The following GLT1D1 variants were observed in gnomAD, a reference collection of about 807,000 sequenced individuals.
The protein encoded by GLT1D1 is glycosyltransferase 1 domain containing 1.
GLT1D1 carries 21 observed loss-of-function variants against 28.7 expected under a neutral mutation model. The observed-to-expected ratio is 0.73, with a 90% confidence interval of 0.52 to 1.05. The LOEUF is 1.05. GLT1D1 is among the 50% of genes least tolerant of loss of function. The pLI is 0.00. For synonymous variants in GLT1D1, 147 were observed against 124.8 expected (o/e 1.18, Z -1.19); for missense variants, 343 against 330.6 (o/e 1.04, Z -0.29).
intron 3 of GLT1D1, among the ~76,000 whole-genome samples, chr12:128,890,739 A>G (rs540411349): frequency 5.0e-4 from 74 of 148,890 alleles, no homozygotes; most frequent in Non-Finnish European, 9.9e-4. Flanking sequence ...TGGCTCACAC[A>G]TGTAATCCCA....
At chr12:128,980,484 G>A (rs182700293) in intron 7 of GLT1D1, among the ~76,000 whole-genome samples, 7 of 152,336 alleles carry the variant, frequency 4.6e-5, no homozygotes, top group South Asian at 2.1e-4. Context: ...GCAGTTTTCC[G>A]AGTCTGCAGT....
intron 4 of GLT1D1, among the ~76,000 whole-genome samples, chr12:128,924,997 A>T (rs1340650747): frequency 6.6e-6 from 1 of 151,764 alleles, no homozygotes; most frequent in Non-Finnish European, 1.5e-5. Flanking sequence ...AACCTGGGAA[A>T]CAATGCTGCT....
At chr12:128,901,680 C>A (rs185032538) in intron 4 of GLT1D1, among the ~76,000 whole-genome samples, 1 of 149,218 alleles carries the variant, frequency 6.7e-6, no homozygotes, top group Admixed American at 6.6e-5. Flanking sequence ...TGTGATCCAC[C>A]CACCTTGGCC....
chr12:128,969,871 T>C (rs1489459245), intron 7 of GLT1D1, among the ~76,000 whole-genome samples: 3 of 152,248 alleles, frequency 2.0e-5, no homozygotes, highest in South Asian at 2.1e-4. Flanking sequence ...CTGCAAAGCC[T>C]GCTGGGCACC....
chr12:128,861,682 G>A (rs1956377439), intron 1 of GLT1D1, among the ~76,000 whole-genome samples: 1 of 152,194 alleles, frequency 6.6e-6, no homozygotes, highest in African/African-American at 2.4e-5. Context: ...GTGTTTGTCG[G>A]AATGGGAAGC....
intron 6 of GLT1D1, 85 bp downstream of exon 10, chr12:128,947,543 C>A: frequency 1.4e-6 from 2 of 1,477,656 alleles, no homozygotes; most frequent in South Asian, 2.3e-5. Flanking sequence ...ACGTCTTTGT[C>A]AATAACATTC....
intron 7 of GLT1D1, among the ~76,000 whole-genome samples, chr12:128,972,258 C>A (rs1228685546): frequency 6.6e-6 from 1 of 152,246 alleles, no homozygotes; most frequent in Non-Finnish European, 1.5e-5. Context: ...GGTCTGTGAC[C>A]ACCGCCCATG....
At chr12:128,898,516 A>G (rs1869900234) in intron 3 of GLT1D1, among the ~76,000 whole-genome samples, 1 of 152,110 alleles carries the variant, frequency 6.6e-6, no homozygotes. Flanking sequence ...TTGTCACCCA[A>G]TTATATGTAT....
intron 7 of GLT1D1, among the ~76,000 whole-genome samples, chr12:128,958,586 C>CAAAAAA (rs1164628353): frequency 6.7e-5 from 5 of 74,436 alleles, no homozygotes; most frequent in Non-Finnish European, 9.8e-5. Flanking sequence ...ATTAAAAAGA[C>CAAAAAA]AAAAAAAAAA....
intron 6 of GLT1D1, among the ~76,000 whole-genome samples, chr12:128,952,747 T>C (rs1243800318): frequency 1.4e-5 from 2 of 145,310 alleles, no homozygotes; most frequent in Non-Finnish European, 3.0e-5. Flanking sequence ...AGTTCTGGGA[T>C]TACAGGTGTG....
intron 1 of GLT1D1, among the ~76,000 whole-genome samples, chr12:128,868,642 T>G (rs1297569600): frequency 2.6e-5 from 4 of 152,096 alleles, no homozygotes; most frequent in African/African-American, 9.7e-5. Context: ...GGTAGATTGG[T>G]GACCTTGTAG....
At chr12:128,893,711 C>G (rs569360986) in intron 3 of GLT1D1, among the ~76,000 whole-genome samples, 1 of 152,034 alleles carries the variant, frequency 6.6e-6, no homozygotes, top group African/African-American at 2.4e-5. Context: ...TCAGCCTCGT[C>G]AGTAGCTGGG....
chr12:128,863,068 G>A (rs1175768479), intron 1 of GLT1D1, among the ~76,000 whole-genome samples: 1 of 152,178 alleles, frequency 6.6e-6, no homozygotes, highest in Non-Finnish European at 1.5e-5. Flanking sequence ...AGGAGACACG[G>A]CACACACCTG....
chr12:128,915,314 C>A (rs528113023), intron 4 of GLT1D1, among the ~76,000 whole-genome samples: 1 of 151,802 alleles, frequency 6.6e-6, no homozygotes, highest in South Asian at 2.1e-4. Context: ...TAATTATACA[C>A]GTAGTTAAAT....
intron 4 of GLT1D1, among the ~76,000 whole-genome samples, chr12:128,923,056 C>T (rs182132855): frequency 6.6e-6 from 1 of 152,016 alleles, no homozygotes; most frequent in East Asian, 1.9e-4. Flanking sequence ...TTTCTAAGAG[C>T]GACATCTCGA....
In GLT1D1 at chr12:128,911,016, G is replaced by A. The variant is rs571459501; in HGVS notation, c.375+11729G>A. On this transcript the variant is annotated intron_variant, in intron 4 of 7. Transcript: ENST00000281703. ...GCAATGTCGGCTCACTGCAACCTCC[G>A]CCTCCCGGGTTCAAGCGATTGTCCT... Among the ~76,000 whole-genome samples, 254 of 152,194 alleles carry A rather than the reference G, an allele frequency of 1.7e-3. 1 individual carries two copies. The highest frequency in any genetic ancestry group is 3.4e-3 in the Middle Eastern group (1 of 294).
intron 4 of GLT1D1, among the ~76,000 whole-genome samples, chr12:128,913,479 C>T (rs1871761202): frequency 6.6e-6 from 1 of 152,186 alleles, no homozygotes; most frequent in Non-Finnish European, 1.5e-5. Flanking sequence ...CCTTGGCCTC[C>T]CAGATTGCTG....
Position 128,906,902 on chromosome 12 carries a change from T to C in GLT1D1, c.375+7615T>C, listed in dbSNP as rs73440337. The C allele has an allele frequency of 0.014, 9,817 of 702,418 alleles. 643 individuals are homozygous for C. The African/African-American group carries it at 0.15, about 10-fold the overall frequency. 43.5% of individuals were successfully genotyped at this position (702,418 alleles called of 1,614,324 possible). A position where few individuals can be genotyped will look rare whatever the true frequency, so the allele number is the denominator to read the frequency against. On this transcript the variant is annotated intron_variant, in intron 4 of 7. Transcript: ENST00000281703. ...ATCAAAATTCTTTTGGAAATTAAAA[T>C]ATAGAAAGCAAGACAGATCTCATTG...
At chr12:128,953,731 T>C (rs1876960432) in intron 6 of GLT1D1, among the ~76,000 whole-genome samples, 1 of 137,678 alleles carries the variant, frequency 7.3e-6, no homozygotes, top group Non-Finnish European at 1.5e-5. Flanking sequence ...GCACTAACAA[T>C]GACTAAAATA....
Sources: allele counts gnomAD v4.1 joint callset (sites outside exome capture counted in the v4.1 genomes callset), GRCh38; gene constraint gnomAD v4.1.1; transcripts MANE v1.5; gene names NCBI Gene and HGNC (gene_info 2026-07-23, HGNC 2026-07-21).